The following ZNF746 variants were observed in gnomAD, a reference collection of about 807,000 sequenced individuals.
ZNF746 encodes the protein zinc finger protein 746.
A neutral mutation model predicts 41.0 loss-of-function variants in ZNF746; 13 were observed. That is an observed-to-expected ratio of 0.32 (90% CI 0.21 to 0.50). The LOEUF (loss-of-function observed/expected upper bound fraction) is 0.50, where lower values mean the gene tolerates loss of function less well. Among genes scored for constraint, ZNF746 ranks in the 20% least tolerant of loss-of-function variants. The pLI is 0.98. For missense variants in ZNF746, 811 were observed against 922.9 expected, an observed-to-expected ratio of 0.88 and a Z score of 1.57; for synonymous variants, 424 against 396.2, an observed-to-expected ratio of 1.07 and a Z score of -0.83.
In ZNF746 at chr7:149,490,978, G is replaced by A. The variant is rs111778738; in HGVS notation, c.565+1881C>T. On this transcript the variant is annotated intron_variant, in intron 4 of 6. Coordinates refer to ENST00000458143, the MANE Select transcript of ZNF746 (RefSeq NM_001394198.1). ...AGCACTCAGAGGGCTGCAGTCCCCTGGAGCTCAGTCCGAGCAGGGAACACT... is the reference window on the plus strand; with the variant it reads ...AGCACTCAGAGGGCTGCAGTCCCCTAGAGCTCAGTCCGAGCAGGGAACACT... The A allele has an allele frequency of 0.016, 2,417 of 152,548 alleles. 128 individuals carry two copies. In the East Asian group the frequency reaches 0.19, roughly 12 times the overall value. The allele number at this position is 152,548 out of a possible 1,614,324, so 9.4% of individuals were successfully genotyped here.
At chr7:149,484,897 A>T (rs1159022858) in intron 4 of ZNF746, among the ~76,000 whole-genome samples, 2 of 152,098 alleles carry the variant, frequency 1.3e-5, no homozygotes, top group South Asian at 2.1e-4. Context: ...AAAGCCTATC[A>T]GTTACAATTT....
Position 149,494,384 on chromosome 7 carries a change from A to G in ZNF746, c.144T>C (p.Asp48=), listed in dbSNP as rs961012406. ...RTGMAEKKLA[D]CEKTAVEFGN... Reference sequence around the variant, plus strand: ...CGAACTCCACGGCTGTCTTCTCGCAATCAGCCAGCTTCTTCTCGGCCATCC... The same window carrying G: ...CGAACTCCACGGCTGTCTTCTCGCAGTCAGCCAGCTTCTTCTCGGCCATCC... Residue 48 remains aspartate (D), a synonymous_variant, in exon 2 of 7, where the codon GAT becomes GAC. Transcript: ENST00000458143. The surrounding 1 kb of genome is among the most constrained non-coding windows in gnomAD (Gnocchi z 5.6). 2.5e-6 allele frequency: 4 copies of G among 1,613,902 alleles called. No homozygotes were observed. The highest frequency in any genetic ancestry group is 2.5e-6 in the Non-Finnish European group (3 of 1,179,896).
chr7:149,475,834 CA>C (rs1800281488), intron 6 of ZNF746, among the ~76,000 whole-genome samples: 1 of 152,232 alleles, frequency 6.6e-6, no homozygotes, highest in South Asian at 2.1e-4. Context: ...GGGGTTCAGA[CA>C]GCTCGGCCAC....
intron 4 of ZNF746, among the ~76,000 whole-genome samples, chr7:149,486,864 T>C (rs1377937759): frequency 6.6e-6 from 1 of 152,228 alleles, no homozygotes; most frequent in African/African-American, 2.4e-5. Flanking sequence ...AATCTCTAAA[T>C]GTCACACGAA....
chr7:149,485,550 C>A (rs1800599736), intron 4 of ZNF746, among the ~76,000 whole-genome samples: 1 of 152,170 alleles, frequency 6.6e-6, no homozygotes, highest in Non-Finnish European at 1.5e-5. Flanking sequence ...AGAAGGTGCA[C>A]TGGTGTACTA....
intron 4 of ZNF746, among the ~76,000 whole-genome samples, chr7:149,481,930 C>T (rs1800495728): frequency 6.6e-6 from 1 of 152,038 alleles, no homozygotes; most frequent in Admixed American, 6.6e-5. Flanking sequence ...AGAATGTGAA[C>T]CACATATCTA....
intron 4 of ZNF746, among the ~76,000 whole-genome samples, chr7:149,479,361 G>A (rs1048350513): frequency 7.2e-5 from 11 of 152,182 alleles, no homozygotes; most frequent in Non-Finnish European, 1.2e-4. Context: ...ATCTTCAAAT[G>A]TTGAGAGAAA....
chr7:149,497,326 A>C lies in ZNF746; in HGVS notation c.24+187T>G. On this transcript the variant is annotated intron_variant, in intron 1 of 6. Transcript: ENST00000458143. This position sits in a 1 kb window ranked among gnomAD's most constrained non-coding sequence, Gnocchi z 4.2. ...CCGCCAGCGCTCGGGTTCGGCTCGGAGTGGGGGCCCGGCCGACGGGCGCAG... is the reference window on the plus strand; with the variant it reads ...CCGCCAGCGCTCGGGTTCGGCTCGGCGTGGGGGCCCGGCCGACGGGCGCAG... 1 of 983,966 alleles carries C rather than the reference A, an allele frequency of 1.0e-6. No homozygotes were observed. The highest frequency in any genetic ancestry group is 1.8e-5 in the African/African-American group (1 of 57,130). 61.0% of individuals were successfully genotyped at this position (983,966 alleles called of 1,614,324 possible).
chr7:149,496,522 C>T (rs1319175754), intron 1 of ZNF746, among the ~76,000 whole-genome samples: 1 of 152,176 alleles, frequency 6.6e-6, no homozygotes, highest in East Asian at 1.9e-4. Flanking sequence ...TTTCCCACTG[C>T]CTCCAAACCA....
chr7:149,474,236 T>A lies in ZNF746; in HGVS notation c.*148A>T. ...GGTGGCAGCTGTCCTGGTGGATAGT[T>A]TCTCTTTCTCCAGTGATCATCAGTT... On this transcript the variant is annotated 3_prime_UTR_variant, in exon 7 of 7. Transcript: ENST00000458143. This position sits in a 1 kb window ranked among gnomAD's most constrained non-coding sequence, Gnocchi z 6.3. 1.1e-6 allele frequency: 1 copy of A among 894,680 alleles called. No homozygotes were observed. Among genetic ancestry groups the A allele is most frequent in the East Asian group, 2.7e-5 (1 of 37,644 alleles). The allele number at this position is 894,680 out of a possible 1,614,324, so 55.4% of individuals were successfully genotyped here. A position where few individuals can be genotyped will look rare whatever the true frequency, so the allele number is the denominator to read the frequency against.
At chr7:149,482,320 A>T (rs1800506218) in intron 4 of ZNF746, among the ~76,000 whole-genome samples, 1 of 152,250 alleles carries the variant, frequency 6.6e-6, no homozygotes, top group South Asian at 2.1e-4. Context: ...TAAAAGAATG[A>T]AAGATGTACT....
intron 4 of ZNF746, among the ~76,000 whole-genome samples, chr7:149,485,118 A>G (rs1328838814): frequency 1.3e-5 from 2 of 151,062 alleles, no homozygotes; most frequent in Non-Finnish European, 2.9e-5. Flanking sequence ...AGAAAATGCA[A>G]GTTAAAAAAA....
Position 149,492,053 on chromosome 7 carries a change from T to C in ZNF746, c.565+806A>G. 7.2e-6 allele frequency: 5 copies of C among 697,056 alleles called. No homozygotes were observed. The South Asian group carries it at 7.4e-5, about 10-fold the overall frequency. The allele number at this position is 697,056 out of a possible 1,614,324, so 43.2% of individuals were successfully genotyped here. A position where few individuals can be genotyped will look rare whatever the true frequency, so the allele number is the denominator to read the frequency against. ...AAAGTAGCTCTACAACTGCTACTGG[T>C]TTAAATTAAGGTTGGTTCTTGGAGG... On this transcript the variant is annotated intron_variant, in intron 4 of 6. Transcript: ENST00000458143.
At position 149,472,959 on chromosome 7, in the gene ZNF746, G is replaced by A. The variant is rs958757728; in HGVS notation, c.*1425C>T. 1.3e-5 allele frequency: 2 copies of A among 152,542 alleles called. No homozygotes were observed. The highest frequency in any genetic ancestry group is 2.9e-5 in the Non-Finnish European group (2 of 68,048). The allele number at this position is 152,542 out of a possible 1,614,324, so 9.4% of individuals were successfully genotyped here. A position where few individuals can be genotyped will look rare whatever the true frequency, so the allele number is the denominator to read the frequency against. On this transcript the variant is annotated 3_prime_UTR_variant, in exon 7 of 7. Coordinates refer to ENST00000458143, the MANE Select transcript of ZNF746 (RefSeq NM_001394198.1). ...AAAAGTATGCATGAGGGGGCTGAATGAATGGGCACTGCCAGGTCCCTCCGT... is the reference window on the plus strand; with the variant it reads ...AAAAGTATGCATGAGGGGGCTGAATAAATGGGCACTGCCAGGTCCCTCCGT...
chr7:149,474,205 T>G lies in ZNF746; in HGVS notation c.*179A>C. 1.5e-6 allele frequency: 1 copy of G among 659,766 alleles called. No homozygotes were observed. The highest frequency in any genetic ancestry group is 2.5e-6 in the Non-Finnish European group (1 of 393,910). 40.9% of individuals were successfully genotyped at this position (659,766 alleles called of 1,614,324 possible). ...CCATTTCACAGAGAATTCTACTTGG[T>G]TTAGAGGTGGCAGCTGTCCTGGTGG... On this transcript the variant is annotated 3_prime_UTR_variant, in exon 7 of 7. Coordinates refer to ENST00000458143, the MANE Select transcript of ZNF746 (RefSeq NM_001394198.1). This position sits in a 1 kb window ranked among gnomAD's most constrained non-coding sequence, Gnocchi z 6.3.
At position 149,494,179 on chromosome 7, in the gene ZNF746, A is replaced by C; in HGVS notation, c.324+25T>G. On this transcript the variant is annotated intron_variant, in intron 2 of 6. Transcript: ENST00000458143. The surrounding 1 kb of genome is among the most constrained non-coding windows in gnomAD (Gnocchi z 5.6). ...CACGGGTTTGGCCGCTTGGGCTCCC[A>C]CACCCCAAGGCGTCCCAGGGCTACC... The C allele has an allele frequency of 6.2e-7, 1 of 1,613,662 alleles. No individual in the cohort carries two copies. Among genetic ancestry groups the C allele is most frequent in the Non-Finnish European group, 8.5e-7 (1 of 1,179,614 alleles).
In ZNF746 at chr7:149,497,196, T is replaced by TG. The variant is rs906919975; in HGVS notation, c.24+316dup. ...GCCAGGCAGAGAAAGGAGCCGCGGG[T>TG]GGGGGGGCACCCAGAAGGAGGGGAC... On this transcript the variant is annotated intron_variant, in intron 1 of 6. Transcript: ENST00000458143. The surrounding 1 kb of genome is among the most constrained non-coding windows in gnomAD (Gnocchi z 4.2). 135 of 982,858 alleles carry TG rather than the reference T, an allele frequency of 1.4e-4. No homozygotes were observed. The highest frequency in any genetic ancestry group is 3.7e-4 in the African/African-American group (21 of 56,612). 60.9% of individuals were successfully genotyped at this position (982,858 alleles called of 1,614,324 possible).
Position 149,476,281 on chromosome 7 carries a change from C to A in ZNF746, c.883+641G>T, listed in dbSNP as rs1287691923. ...TGAGCAGAGATCGCCCCACTGCACT[C>A]CAAGCCTGGGGGACAGAGTGAGACT... On this transcript the variant is annotated intron_variant, in intron 6 of 6. Coordinates refer to ENST00000458143, the MANE Select transcript of ZNF746 (RefSeq NM_001394198.1). 3.0e-5 allele frequency among the ~76,000 whole-genome samples: 4 copies of A among 133,124 alleles called. 1 individual carries two copies. Among genetic ancestry groups the A allele is most frequent in the Non-Finnish European group, 6.1e-5 (4 of 65,792 alleles). The allele number at this position is 133,124 out of a possible 152,430, so 87.3% of individuals were successfully genotyped here.
In ZNF746 at chr7:149,474,927, C is replaced by G; in HGVS notation, c.1440G>C (p.Leu480=). The part of the protein sequence containing the change: ...TCATCGKSFQ[L]QVSLSAHQRS... ...GCTGGTGCGCGCTCAGGCTGACTTG[C>G]AGCTGGAAGCTCTTCCCACACGTGG... Residue 480 remains leucine, a synonymous_variant, in exon 7 of 7, where the codon CTG becomes CTC. Coordinates refer to ENST00000458143, the MANE Select transcript of ZNF746 (RefSeq NM_001394198.1). The surrounding 1 kb of genome is among the most constrained non-coding windows in gnomAD (Gnocchi z 6.3). 2 of 1,542,026 alleles carry G rather than the reference C, an allele frequency of 1.3e-6. No homozygotes were observed. The highest frequency in any genetic ancestry group is 1.7e-6 in the Non-Finnish European group (2 of 1,146,380).
Sources: gnomAD v4.1 joint callset for allele counts (sites outside exome capture counted in the v4.1 genomes callset) on GRCh38, gnomAD v4.1.1 for gene constraint, Gnocchi (gnomAD v3.1) non-coding constraint, MANE v1.5 for transcripts, NCBI Gene and HGNC (gene_info 2026-07-23, HGNC 2026-07-21) for gene names.